The following CDH20 variants were observed in gnomAD, a reference collection of about 807,000 sequenced individuals.
CDH20 encodes cadherin 20.
In CDH20, 29 loss-of-function variants were observed where a neutral mutation model predicts 74.2. That is an observed-to-expected ratio of 0.39 (90% CI 0.29 to 0.53). CDH20 has a LOEUF of 0.53. Ranked by LOEUF, CDH20 falls within the 20% of genes least tolerant of loss-of-function variation. CDH20 has a pLI of 0.69. For missense variants in CDH20, 988 were observed against 1,048.3 expected, an observed-to-expected ratio of 0.94 and a Z score of 0.79; for synonymous variants, 469 against 405.4, an observed-to-expected ratio of 1.16 and a Z score of -1.88.
Position 61,502,246 on chromosome 18 carries a change from G to A in CDH20, c.662-707G>A, listed in dbSNP as rs146350351. Among the ~76,000 whole-genome samples the A allele has an allele frequency of 2.8e-3, 429 of 152,178 alleles. 6 individuals carry two copies. The highest frequency in any genetic ancestry group is 9.2e-3 in the African/African-American group (382 of 41,520). ...AACACATTTCAACGGATTTGGTGTAGGCCTCTCTTCTTAAATGAAACCGTA... is the reference window on the plus strand; with the variant it reads ...AACACATTTCAACGGATTTGGTGTAAGCCTCTCTTCTTAAATGAAACCGTA... On this transcript the variant is annotated intron_variant, in intron 4 of 11. Transcript: ENST00000262717.
chr18:61,448,528 G>A (rs765273791), intron 1 of CDH20, among the ~76,000 whole-genome samples: 29 of 152,172 alleles, frequency 1.9e-4, no homozygotes, highest in Non-Finnish European at 3.8e-4. Context: ...TGCGACTGTG[G>A]CAGGAGGAAG....
intron 1 of CDH20, among the ~76,000 whole-genome samples, chr18:61,401,434 G>GGT (rs138126487): frequency 0.013 from 1,949 of 151,212 alleles, 28 homozygotes; most frequent in African/African-American, 0.037. Flanking sequence ...TCAATGATCA[G>GGT]GTGTGTGTGT....
intron 5 of CDH20, among the ~76,000 whole-genome samples, chr18:61,503,374 C>A (rs955502674): frequency 1.1e-4 from 17 of 152,190 alleles, no homozygotes; most frequent in Admixed American, 7.2e-4. Context: ...GACTTTCTTT[C>A]CTGATTGCCA....
At chr18:61,351,398 T>C (rs1027104935) in intron 1 of CDH20, among the ~76,000 whole-genome samples, 2 of 152,190 alleles carry the variant, frequency 1.3e-5, no homozygotes, top group African/African-American at 4.8e-5. Context: ...CTGAGCAAGT[T>C]ACTTAAATTT....
chr18:61,464,279 C>G lies in CDH20; in HGVS notation c.-152-26123C>G, dbSNP rs202222117. On this transcript the variant is annotated intron_variant, in intron 1 of 11. Transcript: ENST00000262717. The stretch of plus-strand genomic sequence containing the variant: ...CTTTCAAAAAAAATCAAGGTCACAG[C>G]TGAGGGAAAAAGAGTTTGGTGGTTT... 1.4e-4 allele frequency among the ~76,000 whole-genome samples: 22 copies of G among 151,760 alleles called. No individual in the cohort carries two copies. The East Asian group carries it at 4.1e-3, about 28-fold the overall frequency.
intron 1 of CDH20, among the ~76,000 whole-genome samples, chr18:61,385,096 C>T (rs1306843605): frequency 1.3e-5 from 2 of 152,140 alleles, no homozygotes; most frequent in African/African-American, 4.8e-5. Flanking sequence ...CATCTTACCT[C>T]CAAACCTGCC....
chr18:61,422,865 T>C (rs79823284), intron 1 of CDH20, among the ~76,000 whole-genome samples: 3,505 of 152,152 alleles, frequency 0.023, 74 homozygotes, highest in Non-Finnish European at 0.029. Context: ...ATGACTCATC[T>C]AACATAAATT....
chr18:61,401,168 G>C (rs1157638043), intron 1 of CDH20, among the ~76,000 whole-genome samples: 2 of 152,192 alleles, frequency 1.3e-5, no homozygotes, highest in Non-Finnish European at 2.9e-5. Context: ...TTTTACCCAT[G>C]TTCAAACTCA....
chr18:61,356,572 T>C (rs1343994105), intron 1 of CDH20, among the ~76,000 whole-genome samples: 1 of 152,226 alleles, frequency 6.6e-6, no homozygotes, highest in Non-Finnish European at 1.5e-5. Flanking sequence ...AAGTTATTAT[T>C]TTACTTTGGT....
intron 1 of CDH20, among the ~76,000 whole-genome samples, chr18:61,471,739 A>C (rs549479266): frequency 9.2e-5 from 14 of 152,342 alleles, no homozygotes; most frequent in African/African-American, 3.1e-4. Flanking sequence ...TTGTCGGAGC[A>C]TTTATAGCCT....
At chr18:61,405,126 T>C (rs1912288241) in intron 1 of CDH20, 1 of 633,810 alleles carries the variant, frequency 1.6e-6, no homozygotes, top group Non-Finnish European at 3.0e-6. Context: ...CCCCAGCACA[T>C]GCTTCTCACT....
At chr18:61,541,297 T>C (rs1913029119) in intron 9 of CDH20, among the ~76,000 whole-genome samples, 1 of 151,194 alleles carries the variant, frequency 6.6e-6, no homozygotes. Context: ...AATTTATATA[T>C]ATGTAATATA....
rs1378659390 is a variant in CDH20 at position 61,353,525 on chromosome 18, A to G, written c.-153+19698A>G. 6.6e-6 allele frequency among the ~76,000 whole-genome samples: 1 copy of G among 152,242 alleles called. No homozygotes were observed. The highest frequency in any genetic ancestry group is 1.5e-5 in the Non-Finnish European group (1 of 68,048). On this transcript the variant is annotated intron_variant, in intron 1 of 11. Coordinates refer to ENST00000262717, the MANE Select transcript of CDH20 (RefSeq NM_031891.4). This position sits in a 1 kb window ranked among gnomAD's most constrained non-coding sequence, Gnocchi z 4.6. ...TTTCTAGAAGATGATCTGTAATTGT[A>G]TAGACACAGCTTTACTTGCTTTTGA...
chr18:61,472,073 C>A (rs1910200589), intron 1 of CDH20, among the ~76,000 whole-genome samples: 1 of 152,056 alleles, frequency 6.6e-6, no homozygotes, highest in Admixed American at 6.6e-5. Flanking sequence ...GTTAAGAAAT[C>A]CCCCAGGGCC....
rs1040432372 is a variant in CDH20, at chr18:61,539,121, C to G, written c.1506C>G (p.Val502=). 2.5e-6 allele frequency: 4 copies of G among 1,614,086 alleles called. No individual in the cohort carries two copies. The highest frequency in any genetic ancestry group is 3.4e-6 in the Non-Finnish European group (4 of 1,180,000). The change falls in exon 9 of 12, where the codon GTC becomes GTG. Residue 502 remains valine (V), a synonymous_variant. Transcript: ENST00000262717. ...TCCCCAGATTCTATGAAGCTTTTGT[C>G]TGTGAGAACGCCAAGGCAGGACAGG... The part of the protein sequence containing the change: ...PEFPRFYEAF[V]CENAKAGQLI...
In CDH20 at chr18:61,440,962, G is replaced by A. The variant is rs148013832; in HGVS notation, c.-152-49440G>A. ...TGCAGAGTATGTGGATACAGGAAAGGGTAAGAAATTGCAGCTACTTTTGCA... is the reference window on the plus strand; with the variant it reads ...TGCAGAGTATGTGGATACAGGAAAGAGTAAGAAATTGCAGCTACTTTTGCA... On this transcript the variant is annotated intron_variant, in intron 1 of 11. Transcript: ENST00000262717. Among the ~76,000 whole-genome samples, 685 of 152,186 alleles carry A rather than the reference G, an allele frequency of 4.5e-3. 7 individuals carry two copies. The highest frequency in any genetic ancestry group is 0.016 in the African/African-American group (656 of 41,532).
intron 1 of CDH20, among the ~76,000 whole-genome samples, chr18:61,443,750 A>C (rs1479507514): frequency 6.6e-6 from 1 of 152,046 alleles, no homozygotes; most frequent in Non-Finnish European, 1.5e-5. Flanking sequence ...TCGTTATCCC[A>C]CTGTTGGTTG....
At chr18:61,422,317 T>C (rs1460092915) in intron 1 of CDH20, among the ~76,000 whole-genome samples, 1 of 152,206 alleles carries the variant, frequency 6.6e-6, no homozygotes. Flanking sequence ...TATAAGCTGC[T>C]TTATGGGTTG....
At chr18:61,476,354 A>C (rs1355300568) in intron 1 of CDH20, among the ~76,000 whole-genome samples, 1 of 152,146 alleles carries the variant, frequency 6.6e-6, no homozygotes, top group African/African-American at 2.4e-5. Flanking sequence ...CCCCAGTGGC[A>C]CCAGACCCCC....
Sources: gnomAD v4.1 joint callset for allele counts (sites outside exome capture counted in the v4.1 genomes callset) on GRCh38, gnomAD v4.1.1 for gene constraint, Gnocchi (gnomAD v3.1) non-coding constraint, MANE v1.5 for transcripts, NCBI Gene and HGNC (gene_info 2026-07-23, HGNC 2026-07-21) for gene names.